Variants in OLFML2B observed in about 807,000 individuals in gnomAD.
The protein encoded by OLFML2B is olfactomedin like 2B.
Under a neutral mutation model 74.9 loss-of-function variants are expected in OLFML2B, and 57 were observed. The observed-to-expected ratio is 0.76, with a 90% CI of 0.61 to 0.95. The LOEUF is 0.95. Ranked by LOEUF, OLFML2B falls within the 40% of genes least tolerant of loss-of-function variation. The probability of loss-of-function intolerance (pLI) is 0.00; values close to 1 mark genes in which losing one functional copy is unlikely to be tolerated. For missense variants in OLFML2B, 986 were observed against 970.6 expected (o/e 1.02, Z -0.21); for synonymous variants, 388 against 405.8 (o/e 0.96, Z 0.53).
intron 2 of OLFML2B, among the ~76,000 whole-genome samples, chr1:162,018,566 G>A (rs763902189): frequency 1.1e-4 from 17 of 152,356 alleles, no homozygotes; most frequent in Non-Finnish European, 2.2e-4. Context: ...TCTATGGCAA[G>A]CTGCCACAGT....
Position 162,020,038 on chromosome 1 carries a change from T to G in OLFML2B, c.319A>C (p.Thr107Pro). Residue 107 changes from threonine to proline, a missense_variant, in exon 2 of 8, where the codon ACC becomes CCC. Physicochemically the swap from Thr to Pro is conservative, Grantham distance 38. Coordinates refer to ENST00000294794, the MANE Select transcript of OLFML2B (RefSeq NM_015441.3). ...SRKEDFYTVE[T>P]ITSGSSCKCA... is the part of the protein sequence containing the mutation. ...TTGCACGACGAGCCTGAGGTGATGG[T>G]TTCCACGGTATAGAAGTCTTCCTTC... 1 of 1,614,074 alleles carries G rather than the reference T, an allele frequency of 6.2e-7. No homozygotes were observed. Among genetic ancestry groups the G allele is most frequent in the Non-Finnish European group, 8.5e-7 (1 of 1,180,008 alleles).
At position 162,006,353 on chromosome 1, in the gene OLFML2B, G is replaced by A. The variant is rs755068771; in HGVS notation, c.667C>T (p.Pro223Ser). ...NCSENILDSM[P>S]DIRSALQRDA... ...CTCTGCAGGGCTGAGCGGATGTCTG[G>A]CATGCTATCTAGGATGTTTTCAGAG... The change falls in exon 4 of 8, where the codon CCA becomes TCA. Residue 223 changes from proline (P) to serine (S), a missense_variant. Physicochemically the swap from Pro to Ser is moderately conservative, Grantham distance 74 (BLOSUM62 -1). Coordinates refer to ENST00000294794, the MANE Select transcript of OLFML2B (RefSeq NM_015441.3). The A allele has an allele frequency of 2.5e-6, 4 of 1,612,612 alleles. No homozygotes were observed. Among genetic ancestry groups the A allele is most frequent in the Non-Finnish European group, 3.4e-6 (4 of 1,179,522 alleles).
At chr1:161,987,573 C>G (rs890669416) in intron 6 of OLFML2B, among the ~76,000 whole-genome samples, 1 of 152,172 alleles carries the variant, frequency 6.6e-6, no homozygotes. Flanking sequence ...TCCCCTCAAG[C>G]CTCTGGAAAG....
chr1:161,985,890 G>A lies in OLFML2B; in HGVS notation c.1475-910C>T, dbSNP rs150658758. The stretch of plus-strand genomic sequence containing the variant: ...CGTCCTTCTGAGTGGCTCTGGATCC[G>A]GTGCCCAGGAGAGGCCCTAAAAAGC... On this transcript the variant is annotated intron_variant, in intron 6 of 7. Coordinates refer to ENST00000294794, the MANE Select transcript of OLFML2B (RefSeq NM_015441.3). 1.2e-3 allele frequency among the ~76,000 whole-genome samples: 183 copies of A among 152,308 alleles called. 1 individual carries two copies. The East Asian group carries it at 0.032, about 27-fold the overall frequency.
intron 4 of OLFML2B, among the ~76,000 whole-genome samples, chr1:162,003,202 C>T (rs961528124): frequency 3.3e-5 from 5 of 152,202 alleles, no homozygotes; most frequent in Non-Finnish European, 7.3e-5. Flanking sequence ...CCTAGTCCTC[C>T]GGGTCATGGT....
chr1:161,999,091 G>A (rs1690012117), intron 5 of OLFML2B, among the ~76,000 whole-genome samples: 1 of 152,220 alleles, frequency 6.6e-6, no homozygotes, highest in Non-Finnish European at 1.5e-5. Flanking sequence ...GCATGACTTA[G>A]AGGCTGTGTA....
Position 162,001,712 on chromosome 1 carries a change from T to C in OLFML2B, c.724-1374A>G, listed in dbSNP as rs1409593243. ...CCTAGCCTGCTTTCCACAGGCACTA[T>C]TTAGGGATGTTGCTATCTCTGTAGA... On this transcript the variant is annotated intron_variant, in intron 4 of 7. Coordinates refer to ENST00000294794, the MANE Select transcript of OLFML2B (RefSeq NM_015441.3). Among the ~76,000 whole-genome samples, 7 of 152,316 alleles carry C rather than the reference T, an allele frequency of 4.6e-5. No individual in the cohort carries two copies. The South Asian group carries it at 1.4e-3, about 32-fold the overall frequency.
rs747259781 is a variant in OLFML2B at position 162,017,505 on chromosome 1, G to C, written c.441C>G (p.Leu147=). Residue 147 remains leucine (L), a splice_region_variant and synonymous_variant, in exon 3 of 8, where the codon CTC becomes CTG. Transcript: ENST00000294794. ...LREADSQDLK[L]STIIDMLEGA... ...CTTCCAACATGTCTATGATTGTGGA[G>C]AGCTATGAAACAAGGCAAGGGGTTA... is the stretch of plus-strand genomic sequence containing the variant. 73 of 1,609,728 alleles carry C rather than the reference G, an allele frequency of 4.5e-5. No homozygotes were observed. Among genetic ancestry groups the C allele is most frequent in the Non-Finnish European group, 5.9e-5 (69 of 1,178,268 alleles).
chr1:162,002,963 A>C (rs1272878781), intron 4 of OLFML2B, among the ~76,000 whole-genome samples: 1 of 152,230 alleles, frequency 6.6e-6, no homozygotes, highest in Non-Finnish European at 1.5e-5. Flanking sequence ...GAAGGTAGAT[A>C]CCATTATCCA....
At chr1:161,991,521 G>A (rs192958111) in intron 6 of OLFML2B, among the ~76,000 whole-genome samples, 1 of 152,154 alleles carries the variant, frequency 6.6e-6, no homozygotes, top group Non-Finnish European at 1.5e-5. Context: ...GATCACTTGA[G>A]TTTGGGAGTT....
chr1:162,002,231 G>A (rs907200779), intron 4 of OLFML2B, among the ~76,000 whole-genome samples: 2 of 152,240 alleles, frequency 1.3e-5, no homozygotes, highest in African/African-American at 2.4e-5. Context: ...AGAGGAGCGT[G>A]GCCCAGCCCT....
At position 161,997,841 on chromosome 1, in the gene OLFML2B, G is replaced by A. The variant is rs1383039911; in HGVS notation, c.1458C>T (p.Asp486=). 1.2e-6 allele frequency: 2 copies of A among 1,613,242 alleles called. No individual in the cohort carries two copies. Among genetic ancestry groups the A allele is most frequent in the East Asian group, 2.2e-5 (1 of 44,858 alleles). The stretch of plus-strand genomic sequence containing the variant: ...TGAACTTACCTATGACATTCCGGAT[G>A]TCATCTTCTTCTTCGGGGCTCAGCG... ...SPTLSPEEED[D]IRNVIGRCKD... Residue 486 remains aspartate (D), a synonymous_variant, in exon 6 of 8, where the codon GAC becomes GAT. Transcript: ENST00000294794.
At chr1:162,019,141 A>G (rs1690630060) in intron 2 of OLFML2B, among the ~76,000 whole-genome samples, 1 of 152,230 alleles carries the variant, frequency 6.6e-6, no homozygotes, top group Admixed American at 6.5e-5. Flanking sequence ...AGCGCTTTAC[A>G]TAGTCATCCA....
rs751160718 is a variant in OLFML2B at position 161,998,190 on chromosome 1, G to T, written c.1109C>A (p.Pro370His). The T allele has an allele frequency of 6.2e-7, 1 of 1,614,050 alleles. No homozygotes were observed. The change falls in exon 6 of 8, where the codon CCC becomes CAC. Residue 370 changes from proline to histidine, a missense_variant. Coordinates refer to ENST00000294794, the MANE Select transcript of OLFML2B (RefSeq NM_015441.3). Reference protein sequence around the residue: ...VTSDLNARTAPWSSALPQPST... With the variant: ...VTSDLNARTAHWSSALPQPST... ...GGGCTGTGGCAGTGCTGAGGACCAG[G>T]GTGCGGTCCGAGCGTTCAGGTCGCT...
rs565825562 is a variant in OLFML2B at position 161,988,182 on chromosome 1, G to T, written c.1475-3202C>A. 1.3e-4 allele frequency among the ~76,000 whole-genome samples: 20 copies of T among 152,256 alleles called. 1 individual carries two copies. Among genetic ancestry groups the T allele is most frequent in the Middle Eastern group, 3.4e-3 (1 of 294 alleles). ...TGCCGGTGACACTGACATTTACTAC[G>T]CACTTTCTATGTATTCTGTCGTTTA... On this transcript the variant is annotated intron_variant, in intron 6 of 7. Coordinates refer to ENST00000294794, the MANE Select transcript of OLFML2B (RefSeq NM_015441.3).
chr1:161,998,205 T>C lies in OLFML2B; in HGVS notation c.1094A>G (p.Asn365Ser), dbSNP rs1459175964. The C allele has an allele frequency of 3.1e-6, 5 of 1,613,896 alleles. No homozygotes were observed. Among genetic ancestry groups the C allele is most frequent in the African/African-American group, 1.3e-5 (1 of 74,914 alleles). Residue 365 changes from asparagine to serine, a missense_variant, in exon 6 of 8, where the codon AAC becomes AGC. By Grantham distance (46) the Asn-to-Ser change is conservative (BLOSUM62 1). Transcript: ENST00000294794. ...GHSTAVTSDL[N>S]ARTAPWSSAL... ...TGAGGACCAGGGTGCGGTCCGAGCG[T>C]TCAGGTCGCTTGTCACAGCAGTGCT...
At chr1:161,985,095 T>G in intron 6 of OLFML2B, 115 bp from the exon 7 acceptor site, 1 of 1,050,614 alleles carries the variant, frequency 9.5e-7, no homozygotes, top group Non-Finnish European at 1.4e-6. Flanking sequence ...TTAACAGCCC[T>G]GTATAACCTG....
At chr1:162,007,804 C>T (rs1690275196) in intron 3 of OLFML2B, among the ~76,000 whole-genome samples, 1 of 152,170 alleles carries the variant, frequency 6.6e-6, no homozygotes, top group South Asian at 2.1e-4. Flanking sequence ...CCCATAGGTG[C>T]TTGTTAAATG....
chr1:162,013,932 ACACAC>A (rs751543548), intron 3 of OLFML2B, among the ~76,000 whole-genome samples: 157 of 109,524 alleles, frequency 1.4e-3, no homozygotes, highest in African/African-American at 5.0e-3. Flanking sequence ...ACACACACAC[ACACAC>A]ACTTCTGTAG....
Sources: gnomAD v4.1 joint callset for allele counts (sites outside exome capture counted in the v4.1 genomes callset) on GRCh38, gnomAD v4.1.1 for gene constraint, MANE v1.5 for transcripts, NCBI Gene and HGNC (gene_info 2026-07-23, HGNC 2026-07-21) for gene names.